WIPF3: variants seen among roughly 807,000 people sequenced by gnomAD.
The protein encoded by WIPF3 is WAS/WASL-interacting protein family member 3.
In WIPF3, 33 loss-of-function variants were observed where a neutral mutation model predicts 38.9. The ratio of observed to expected loss-of-function variants is 0.85; its 90% CI spans 0.64 to 1.14. The LOEUF (loss-of-function observed/expected upper bound fraction) is 1.14, where lower values mean the gene tolerates loss of function less well. WIPF3 is among the 50% of genes most tolerant of loss of function. The pLI, the probability that WIPF3 is intolerant of heterozygous loss-of-function variation, is 0.00. For missense variants in WIPF3, 711 were observed against 652.5 expected, an observed-to-expected ratio of 1.09 and a Z score of -0.98; for synonymous variants, 324 against 269.3, an observed-to-expected ratio of 1.20 and a Z score of -1.99.
chr7:29,848,401 A>C (rs1001105179), intron 2 of WIPF3, among the ~76,000 whole-genome samples: 4 of 152,214 alleles, frequency 2.6e-5, no homozygotes, highest in African/African-American at 9.6e-5. Context: ...GGGTTTCCCT[A>C]GACTTGCGTT....
At chr7:29,871,409 C>T (rs548462939) in intron 2 of WIPF3, among the ~76,000 whole-genome samples, 13 of 152,286 alleles carry the variant, frequency 8.5e-5, no homozygotes, top group East Asian at 1.9e-4. Flanking sequence ...CACTAATTTT[C>T]GGTTCAATGG....
intron 2 of WIPF3, among the ~76,000 whole-genome samples, chr7:29,849,267 G>T (rs1164352740): frequency 5.9e-5 from 9 of 152,078 alleles, no homozygotes; most frequent in African/African-American, 2.2e-4. Context: ...AGTGGAAATG[G>T]ATACAAGCAA....
intron 8 of WIPF3, among the ~76,000 whole-genome samples, chr7:29,906,712 C>T (rs1261294653): frequency 1.3e-5 from 2 of 151,972 alleles, no homozygotes; most frequent in African/African-American, 4.8e-5. Flanking sequence ...ACTAAAAAAC[C>T]ACACCAAAGA....
chr7:29,852,813 A>T (rs900170055), intron 2 of WIPF3, among the ~76,000 whole-genome samples: 1 of 152,252 alleles, frequency 6.6e-6, no homozygotes, highest in Non-Finnish European at 1.5e-5. Flanking sequence ...AAAAGGAAGG[A>T]GTGTGTGTCC....
chr7:29,885,602 G>A (rs1785859524), intron 5 of WIPF3, among the ~76,000 whole-genome samples: 1 of 152,172 alleles, frequency 6.6e-6, no homozygotes, highest in Admixed American at 6.5e-5. Context: ...CTTGAGGTCA[G>A]GAGTTCTAGG....
chr7:29,881,512 G>A (rs1489201952), intron 4 of WIPF3, among the ~76,000 whole-genome samples: 1 of 152,086 alleles, frequency 6.6e-6, no homozygotes, highest in Non-Finnish European at 1.5e-5. Flanking sequence ...GAAAACATAT[G>A]ACCTTTTAGG....
chr7:29,914,192 C>T (rs1335939761), intron 8 of WIPF3, among the ~76,000 whole-genome samples: 4 of 152,168 alleles, frequency 2.6e-5, no homozygotes, highest in Non-Finnish European at 2.9e-5. Flanking sequence ...GTCTCCAGCA[C>T]GTTTTTTTTA....
rs1261506906 is a variant in WIPF3, at chr7:29,888,094, C to T, written c.1126C>T (p.Pro376Ser). The change falls in exon 6 of 9, where the codon CCT (proline) becomes TCT (serine). Residue 376 changes from proline (P) to serine (S), a missense_variant. Coordinates refer to ENST00000242140, the MANE Select transcript of WIPF3 (RefSeq NM_001080529.3). ...GGCCGGTGGGGGAAAGCTAAATCCACCTCCAGCACCCCCTGCGAGATCACC... is the reference window on the plus strand; with the variant it reads ...GGCCGGTGGGGGAAAGCTAAATCCATCTCCAGCACCCCCTGCGAGATCACC... ...PGAGGGKLNPPPAPPARSPTT... is the reference protein window; with the variant it reads ...PGAGGGKLNPSPAPPARSPTT... 2.5e-6 allele frequency: 4 copies of T among 1,613,876 alleles called. No homozygotes were observed. The highest frequency in any genetic ancestry group is 3.4e-6 in the Non-Finnish European group (4 of 1,179,904).
intron 5 of WIPF3, among the ~76,000 whole-genome samples, chr7:29,887,704 T>C (rs1785911399): frequency 6.6e-6 from 1 of 152,212 alleles, no homozygotes; most frequent in Non-Finnish European, 1.5e-5. Flanking sequence ...CTTTGGGCTG[T>C]ACCTGATGAT....
intron 2 of WIPF3, among the ~76,000 whole-genome samples, chr7:29,835,876 C>T (rs942193769): frequency 4.6e-5 from 7 of 152,310 alleles, no homozygotes; most frequent in African/African-American, 1.4e-4. Flanking sequence ...CCGGATGCAA[C>T]CCTCCCTCAG....
In WIPF3 at chr7:29,916,702, G is replaced by C. The variant is rs1404872873; in HGVS notation, c.*2186G>C. On this transcript the variant is annotated 3_prime_UTR_variant, in exon 9 of 9. Transcript: ENST00000242140. ...CACTCTAGCCTGGGCAACAGAGCGA[G>C]ACCCTAACTCAAAAAAAAAAAAGGA... 1 of 150,438 alleles carries C rather than the reference G, an allele frequency of 6.6e-6. No individual in the cohort carries two copies. Among genetic ancestry groups the C allele is most frequent in the Non-Finnish European group, 1.5e-5 (1 of 67,810 alleles). The allele number at this position is 150,438 out of a possible 1,614,324, so 9.3% of individuals were successfully genotyped here. A position where few individuals can be genotyped will look rare whatever the true frequency, so the allele number is the denominator to read the frequency against.
intron 2 of WIPF3, among the ~76,000 whole-genome samples, chr7:29,874,366 T>C (rs1183126356): frequency 6.6e-6 from 1 of 152,098 alleles, no homozygotes; most frequent in Non-Finnish European, 1.5e-5. Context: ...TTAATGAACA[T>C]TCAACTCATA....
At chr7:29,908,438 C>A (rs569674703) in intron 8 of WIPF3, among the ~76,000 whole-genome samples, 1 of 152,152 alleles carries the variant, frequency 6.6e-6, no homozygotes, top group South Asian at 2.1e-4. Context: ...ATGGGTGAAA[C>A]AACCAGACAG....
Position 29,914,489 on chromosome 7 carries a change from A to G in WIPF3, c.1429-4A>G. The G allele has an allele frequency of 6.6e-7, 1 of 1,519,044 alleles. No homozygotes were observed. The highest frequency in any genetic ancestry group is 1.3e-5 in the South Asian group (1 of 78,058). 94.1% of individuals were successfully genotyped at this position (1,519,044 alleles called of 1,614,324 possible). A position where few individuals can be genotyped will look rare whatever the true frequency, so the allele number is the denominator to read the frequency against. On this transcript the variant is annotated splice_region_variant and splice_polypyrimidine_tract_variant and intron_variant, in intron 8 of 8. Transcript: ENST00000242140. ...CCTGGTAATGTTCTGTTATGTTTCC[A>G]CAGTTATCTCTAAAGACTCTTCGGT...
intron 2 of WIPF3, among the ~76,000 whole-genome samples, chr7:29,870,950 C>A (rs1237361765): frequency 1.6e-5 from 2 of 124,364 alleles, no homozygotes; most frequent in African/African-American, 5.3e-5. Flanking sequence ...GAGTGACACC[C>A]CATCTCCAAA....
intron 3 of WIPF3, among the ~76,000 whole-genome samples, chr7:29,876,302 A>G (rs1336757527): frequency 2.6e-5 from 4 of 152,220 alleles, no homozygotes; most frequent in African/African-American, 9.6e-5. Flanking sequence ...TTATATTCAC[A>G]ATGTTGTTGC....
intron 2 of WIPF3, among the ~76,000 whole-genome samples, chr7:29,840,739 G>T (rs1400095780): frequency 6.6e-6 from 1 of 152,182 alleles, no homozygotes; most frequent in East Asian, 1.9e-4. Flanking sequence ...GTAGGGGAGA[G>T]AGATTGGGCT....
chr7:29,894,918 T>TG (rs1491418295), intron 7 of WIPF3, among the ~76,000 whole-genome samples: 2 of 103,988 alleles, frequency 1.9e-5, no homozygotes, highest in African/African-American at 5.6e-5. Flanking sequence ...TGTGTGTTGT[T>TG]GTTTTTTTTT....
In WIPF3 at chr7:29,844,637, G is replaced by A. The variant is rs1784969930; in HGVS notation, c.90+9823G>A. On this transcript the variant is annotated intron_variant, in intron 2 of 8. Coordinates refer to ENST00000242140, the MANE Select transcript of WIPF3 (RefSeq NM_001080529.3). This position sits in a 1 kb window ranked among gnomAD's most constrained non-coding sequence, Gnocchi z 4.8. ...CCCACTGCCTCCAGCTGCGTGAACGGGTTCAGTAAGTGGTACTGATGACTA... is the reference window on the plus strand; with the variant it reads ...CCCACTGCCTCCAGCTGCGTGAACGAGTTCAGTAAGTGGTACTGATGACTA... Among the ~76,000 whole-genome samples the A allele has an allele frequency of 6.6e-6, 1 of 152,154 alleles. No homozygotes were observed. Among genetic ancestry groups the A allele is most frequent in the African/African-American group, 2.4e-5 (1 of 41,426 alleles).
Sources: gnomAD v4.1 joint callset for allele counts (sites outside exome capture counted in the v4.1 genomes callset) on GRCh38, gnomAD v4.1.1 for gene constraint, Gnocchi (gnomAD v3.1) non-coding constraint, MANE v1.5 for transcripts, NCBI Gene and HGNC (gene_info 2026-07-23, HGNC 2026-07-21) for gene names.